Variants in SEC22C observed in about 807,000 individuals in gnomAD.
The protein encoded by SEC22C is vesicle-trafficking protein SEC22c.
SEC22C carries 29 observed loss-of-function variants against 34.7 expected under a neutral mutation model. The observed-to-expected ratio is 0.84, with a 90% CI of 0.62 to 1.14. The LOEUF (loss-of-function observed/expected upper bound fraction) is 1.14, where lower values mean the gene tolerates loss of function less well. Among genes scored for constraint, SEC22C ranks in the 50% most tolerant of loss-of-function variants. The probability of loss-of-function intolerance (pLI) is 0.00; values close to 1 mark genes in which losing one functional copy is unlikely to be tolerated. For synonymous variants in SEC22C, 117 were observed against 132.8 expected (o/e 0.88, Z 0.82); for missense variants, 337 against 369.0 (o/e 0.91, Z 0.71).
intron 1 of SEC22C, among the ~76,000 whole-genome samples, chr3:42,594,150 ATAAAG>A (rs1421710759): frequency 6.6e-6 from 1 of 152,240 alleles, no homozygotes; most frequent in Non-Finnish European, 1.5e-5. Context: ...TATGTGGAGA[ATAAAG>A]TAGGTGCGCA....
chr3:42,591,553 G>A (rs759754490), intron 1 of SEC22C: 24 of 1,613,842 alleles, frequency 1.5e-5, no homozygotes, highest in Non-Finnish European at 2.0e-5. Context: ...CAGCTGATCC[G>A]CTGTATTGTG....
intron 1 of SEC22C, chr3:42,594,461 T>C: frequency 1.2e-6 from 2 of 1,614,054 alleles, no homozygotes; most frequent in Non-Finnish European, 1.7e-6. Context: ...TTTATTTGGC[T>C]ACCATTGCAG....
intron 4 of SEC22C, among the ~76,000 whole-genome samples, chr3:42,557,899 G>A (rs548448338): frequency 6.6e-6 from 1 of 152,360 alleles, no homozygotes; most frequent in South Asian, 2.1e-4. Flanking sequence ...GGGTATTTGA[G>A]TAAAGTTTCT....
chr3:42,596,581 G>A (rs1705038301), intron 1 of SEC22C, among the ~76,000 whole-genome samples: 1 of 152,208 alleles, frequency 6.6e-6, no homozygotes, highest in Non-Finnish European at 1.5e-5. Context: ...GGAGGTGTCA[G>A]TCATTTTGGT....
Position 42,548,982 on chromosome 3 carries a change from T to G in SEC22C, c.*4266A>C. The G allele has an allele frequency of 9.1e-7, 1 of 1,094,082 alleles. No homozygotes were observed. Among genetic ancestry groups the G allele is most frequent in the African/African-American group, 1.6e-5 (1 of 62,720 alleles). The allele number at this position is 1,094,082 out of a possible 1,614,324, so 67.8% of individuals were successfully genotyped here. On this transcript the variant is annotated 3_prime_UTR_variant, in exon 7 of 7. Coordinates refer to ENST00000264454, the MANE Select transcript of SEC22C (RefSeq NM_032970.4). ...GGGGGCAGATTGATGTTATCACCAT[T>G]TACCAGATGAGGAAACTGAGGCCTG...
chr3:42,582,924 A>G (rs1704473924), upstream of SEC22C, among the ~76,000 whole-genome samples: 1 of 152,274 alleles, frequency 6.6e-6, no homozygotes, highest in Non-Finnish European at 1.5e-5. Context: ...AAGATGAAAC[A>G]GTTCTGGAAA....
At chr3:42,562,222 A>T (rs1702966813) in intron 3 of SEC22C, among the ~76,000 whole-genome samples, 1 of 152,228 alleles carries the variant, frequency 6.6e-6, no homozygotes, top group African/African-American at 2.4e-5. Flanking sequence ...ATGAGCAAAC[A>T]TGATGCTGGA....
At chr3:42,591,904 C>T (rs1245073135) in intron 1 of SEC22C, among the ~76,000 whole-genome samples, 1 of 152,188 alleles carries the variant, frequency 6.6e-6, no homozygotes, top group Non-Finnish European at 1.5e-5. Flanking sequence ...ACACAGAAAA[C>T]TAAGCTCAGG....
At chr3:42,580,011 G>A (rs1036828319) in intron 1 of SEC22C, among the ~76,000 whole-genome samples, 57 of 152,168 alleles carry the variant, frequency 3.7e-4, no homozygotes, top group African/African-American at 1.2e-3. Flanking sequence ...CACAGCATCC[G>A]TGTTACTAGG....
At position 42,553,080 on chromosome 3, in the gene SEC22C, GC is replaced by G. The variant is rs1702324787; in HGVS notation, c.*167del. ...GCACAGAACCAAGGCTGGGTATCAA[GC>G]AACCTCATGACTTCCACTGCAACTG... is the stretch of plus-strand genomic sequence containing the variant. On this transcript the variant is annotated 3_prime_UTR_variant, in exon 7 of 7. Transcript: ENST00000264454. 7.0e-7 allele frequency: 1 copy of G among 1,437,332 alleles called. No homozygotes were observed. The highest frequency in any genetic ancestry group is 1.4e-5 in the African/African-American group (1 of 69,720). The allele number at this position is 1,437,332 out of a possible 1,614,324, so 89.0% of individuals were successfully genotyped here. A position where few individuals can be genotyped will look rare whatever the true frequency, so the allele number is the denominator to read the frequency against.
At chr3:42,589,108 CA>C (rs35697413) in intron 1 of SEC22C, among the ~76,000 whole-genome samples, 74 of 145,334 alleles carry the variant, frequency 5.1e-4, no homozygotes, top group East Asian at 4.0e-3. Context: ...ACTAAAGATA[CA>C]AAAAAAAAAA....
intron 1 of SEC22C, among the ~76,000 whole-genome samples, chr3:42,577,902 G>A (rs543212887): frequency 3.9e-4 from 59 of 152,086 alleles, no homozygotes; most frequent in African/African-American, 1.1e-3. Context: ...CCTGGGAGGC[G>A]GAGGTTGCAG....
intron 5 of SEC22C, among the ~76,000 whole-genome samples, chr3:42,556,536 C>T (rs1051311841): frequency 9.5e-4 from 144 of 152,300 alleles, no homozygotes; most frequent in African/African-American, 3.4e-3. Context: ...CAGGCAGTTA[C>T]CACTCATAAC....
At chr3:42,576,192 AC>A (rs1456271327) in intron 1 of SEC22C, among the ~76,000 whole-genome samples, 2 of 152,212 alleles carry the variant, frequency 1.3e-5, no homozygotes, top group African/African-American at 4.8e-5. Flanking sequence ...AATTTGTGTC[AC>A]ACAGCTAAAA....
intron 1 of SEC22C, among the ~76,000 whole-genome samples, chr3:42,597,550 T>A (rs1295227599): frequency 6.8e-6 from 1 of 147,976 alleles, no homozygotes; most frequent in African/African-American, 2.5e-5. Flanking sequence ...AGCGAGACTT[T>A]GTCTCAAAAA....
rs1702151197 is a variant in SEC22C, at chr3:42,549,599, T to A, written c.*3649A>T. 7 of 985,236 alleles carry A rather than the reference T, an allele frequency of 7.1e-6. No individual in the cohort carries two copies. The highest frequency in any genetic ancestry group is 8.4e-6 in the Non-Finnish European group (7 of 829,934). The allele number at this position is 985,236 out of a possible 1,614,324, so 61.0% of individuals were successfully genotyped here. Reference sequence around the variant, plus strand: ...CCAAGACTTGACTCCCAGGCATGGGTGGGAGAGTTGAACCTCAATGCAATC... The same window carrying A: ...CCAAGACTTGACTCCCAGGCATGGGAGGGAGAGTTGAACCTCAATGCAATC... On this transcript the variant is annotated 3_prime_UTR_variant, in exon 7 of 7. Transcript: ENST00000264454.
chr3:42,569,016 G>A lies in SEC22C; in HGVS notation c.31C>T (p.Arg11Trp), dbSNP rs759546532. Residue 11 changes from arginine to tryptophan, a missense_variant, in exon 2 of 7, where the codon CGG becomes TGG. Physicochemically the swap from Arg to Trp is moderately radical, Grantham distance 101. Transcript: ENST00000264454. Reference protein sequence around the residue: MSVIFFACVVRVRDGLPLSAS... With the variant: MSVIFFACVVWVRDGLPLSAS... The stretch of plus-strand genomic sequence containing the variant: ...GAGAGGGGCAGTCCATCCCTTACCC[G>A]TACCACGCAGGCAAAAAAGATCACG... The A allele has an allele frequency of 6.2e-6, 10 of 1,613,846 alleles. No homozygotes were observed. Among genetic ancestry groups the A allele is most frequent in the Non-Finnish European group, 7.6e-6 (9 of 1,179,982 alleles).
In SEC22C at chr3:42,549,735, T is replaced by C. The variant is rs1702155826; in HGVS notation, c.*3513A>G. The C allele has an allele frequency of 1.0e-6, 1 of 985,518 alleles. No individual in the cohort carries two copies. Among genetic ancestry groups the C allele is most frequent in the Non-Finnish European group, 1.2e-6 (1 of 829,990 alleles). 61.0% of individuals were successfully genotyped at this position (985,518 alleles called of 1,614,324 possible). ...ACTCTGTCTCCAGAGCTGGAATGTA[T>C]AGGGCAGAGGTAGAAAGAGGCAGGA... is the stretch of plus-strand genomic sequence containing the variant. On this transcript the variant is annotated 3_prime_UTR_variant, in exon 7 of 7. Coordinates refer to ENST00000264454, the MANE Select transcript of SEC22C (RefSeq NM_032970.4).
intron 1 of SEC22C, among the ~76,000 whole-genome samples, chr3:42,571,185 A>T (rs551878233): frequency 6.6e-6 from 1 of 152,326 alleles, no homozygotes; most frequent in Admixed American, 6.5e-5. Context: ...TTTCCAAGCG[A>T]TGGTAATCAG....
Sources: allele counts gnomAD v4.1 joint callset (sites outside exome capture counted in the v4.1 genomes callset), GRCh38; gene constraint gnomAD v4.1.1; transcripts MANE v1.5; gene names NCBI Gene and HGNC (gene_info 2026-07-23, HGNC 2026-07-21).